CLVS2: variants seen among roughly 807,000 people sequenced by gnomAD.
The protein encoded by CLVS2 is clavesin 2.
In CLVS2, 19 loss-of-function variants were observed where a neutral mutation model predicts 29.0. The ratio of observed to expected loss-of-function variants is 0.66; its 90% CI spans 0.46 to 0.96. The LOEUF (loss-of-function observed/expected upper bound fraction) is 0.96. Ranked by LOEUF, CLVS2 falls within the 40% of genes least tolerant of loss-of-function variation. The probability of loss-of-function intolerance (pLI) is 0.00; values close to 1 mark genes in which losing one functional copy is unlikely to be tolerated. For synonymous variants in CLVS2, 161 were observed against 151.3 expected, an observed-to-expected ratio of 1.06 and a Z score of -0.47; for missense variants, 294 against 404.1, an observed-to-expected ratio of 0.73 and a Z score of 2.34.
rs1772814765 is a variant in CLVS2 at position 123,063,854 on chromosome 6, C to A, written c.*93C>A. On this transcript the variant is annotated 3_prime_UTR_variant, in exon 6 of 6. Transcript: ENST00000275162. ...CTGTAGAGGAATTACCAGCTGGAAA[C>A]CGACTTATTCATGTTAATGTAGCAT... is the stretch of plus-strand genomic sequence containing the variant. The A allele has an allele frequency of 2.5e-6, 2 of 810,450 alleles. No individual in the cohort carries two copies. Among genetic ancestry groups the A allele is most frequent in the Non-Finnish European group, 4.1e-6 (2 of 491,580 alleles). 50.2% of individuals were successfully genotyped at this position (810,450 alleles called of 1,614,324 possible).
chr6:123,003,651 A>G (rs1436366169), intron 2 of CLVS2, among the ~76,000 whole-genome samples: 2 of 152,204 alleles, frequency 1.3e-5, no homozygotes, highest in Admixed American at 1.3e-4. Flanking sequence ...ATAAAGACAC[A>G]TACTTTGTAC....
intron 3 of CLVS2, among the ~76,000 whole-genome samples, chr6:123,033,507 C>G (rs1364881087): frequency 6.6e-6 from 1 of 151,970 alleles, no homozygotes; most frequent in Non-Finnish European, 1.5e-5. Context: ...TGGAAAAGCA[C>G]AGGCAAATGA....
chr6:123,067,664 AG>A lies in CLVS2; in HGVS notation c.*3905del, dbSNP rs1175943170. 1 of 151,786 alleles carries A rather than the reference AG, an allele frequency of 6.6e-6. No homozygotes were observed. Among genetic ancestry groups the A allele is most frequent in the Non-Finnish European group, 1.5e-5 (1 of 67,750 alleles). 9.4% of individuals were successfully genotyped at this position (151,786 alleles called of 1,614,324 possible). ...ACATTTTTTACAACAATAAGCTCATAGGCATATATTCCATTGTAGATCTGCT... is the reference window on the plus strand; with the variant it reads ...ACATTTTTTACAACAATAAGCTCATAGCATATATTCCATTGTAGATCTGCT... On this transcript the variant is annotated 3_prime_UTR_variant, in exon 6 of 6. Transcript: ENST00000275162.
chr6:123,051,250 T>G (rs1772606967), intron 4 of CLVS2, among the ~76,000 whole-genome samples: 1 of 152,094 alleles, frequency 6.6e-6, no homozygotes, highest in Non-Finnish European at 1.5e-5. Context: ...ACCTGCTTCA[T>G]TTTCTTAAAT....
intron 2 of CLVS2, among the ~76,000 whole-genome samples, chr6:122,998,608 C>G (rs1316193437): frequency 6.6e-6 from 1 of 152,158 alleles, no homozygotes; most frequent in East Asian, 1.9e-4. Flanking sequence ...CTCTTTGGTA[C>G]TGACGTTTTA....
Position 123,065,255 on chromosome 6 carries a change from A to T in CLVS2, c.*1494A>T, listed in dbSNP as rs972234394. ...AAAAATGATTTTTATCACCCATAAT[A>T]AATTTTGAGATTGAGAGTTTACCAT... On this transcript the variant is annotated 3_prime_UTR_variant, in exon 6 of 6. Transcript: ENST00000275162. The T allele has an allele frequency of 1.3e-4, 19 of 151,836 alleles. No individual in the cohort carries two copies. Among genetic ancestry groups the T allele is most frequent in the African/African-American group, 4.6e-4 (19 of 41,410 alleles). The allele number at this position is 151,836 out of a possible 1,614,324, so 9.4% of individuals were successfully genotyped here. A position where few individuals can be genotyped will look rare whatever the true frequency, so the allele number is the denominator to read the frequency against.
At chr6:123,049,957 A>G (rs182697829) in intron 4 of CLVS2, among the ~76,000 whole-genome samples, 2 of 152,306 alleles carry the variant, frequency 1.3e-5, no homozygotes, top group Admixed American at 1.3e-4. Context: ...TTTTTAAAAA[A>G]GTGCAATAAT....
intron 3 of CLVS2, among the ~76,000 whole-genome samples, chr6:123,029,093 A>G (rs919619244): frequency 6.6e-6 from 1 of 152,182 alleles, no homozygotes; most frequent in African/African-American, 2.4e-5. Flanking sequence ...GAACCTGGCC[A>G]TGCCTGCACC....
intron 3 of CLVS2, among the ~76,000 whole-genome samples, chr6:123,015,618 A>T (rs1171035994): frequency 1.3e-5 from 2 of 151,930 alleles, no homozygotes; most frequent in Admixed American, 6.6e-5. Flanking sequence ...TCCCACCAAT[A>T]CTCAAATTCT....
chr6:123,060,753 G>T (rs934254309), intron 5 of CLVS2, among the ~76,000 whole-genome samples: 4 of 152,160 alleles, frequency 2.6e-5, no homozygotes, highest in Non-Finnish European at 4.4e-5. Context: ...TTATGATGTG[G>T]GTATTATTTT....
At chr6:123,055,661 C>T in intron 4 of CLVS2, 145 bp from the exon 5 acceptor site, 1 of 633,394 alleles carries the variant, frequency 1.6e-6, no homozygotes. Flanking sequence ...GCCTGTTTTA[C>T]AGAGTAGATG....
intron 2 of CLVS2, among the ~76,000 whole-genome samples, chr6:123,007,174 T>G (rs1774681246): frequency 6.6e-6 from 1 of 152,218 alleles, no homozygotes; most frequent in African/African-American, 2.4e-5. Flanking sequence ...AATATGTGAT[T>G]GTTGAAAAAG....
chr6:123,004,312 TG>T (rs1774631981), intron 2 of CLVS2, among the ~76,000 whole-genome samples: 1 of 152,196 alleles, frequency 6.6e-6, no homozygotes, highest in Admixed American at 6.5e-5. Context: ...AAAGACATTT[TG>T]CCCGCAGATG....
intron 3 of CLVS2, among the ~76,000 whole-genome samples, chr6:123,023,586 G>A (rs1291163841): frequency 6.6e-6 from 1 of 151,966 alleles, no homozygotes; most frequent in Non-Finnish European, 1.5e-5. Context: ...TTTATCATGA[G>A]GCCACATAAG....
intron 3 of CLVS2, among the ~76,000 whole-genome samples, chr6:123,045,312 A>G (rs1404196867): frequency 2.0e-5 from 3 of 152,110 alleles, no homozygotes; most frequent in Non-Finnish European, 4.4e-5. Context: ...CCACATTGGA[A>G]GACCTAGGGC....
At chr6:123,011,559 G>A (rs1172106800) in intron 3 of CLVS2, among the ~76,000 whole-genome samples, 1 of 151,900 alleles carries the variant, frequency 6.6e-6, no homozygotes, top group African/African-American at 2.4e-5. Context: ...TCAGCAATAT[G>A]TTCAACTGTT....
In CLVS2 at chr6:122,997,776, C is replaced by G; in HGVS notation, c.-2C>G. On this transcript the variant is annotated 5_prime_UTR_variant, in exon 2 of 6. Coordinates refer to ENST00000275162, the MANE Select transcript of CLVS2 (RefSeq NM_001010852.4). ...AGGGAAAGCTCAGAGATAGGCAGAA[C>G]AATGACTCATTTGCAAGCCGGTCTC... is the stretch of plus-strand genomic sequence containing the variant. The G allele has an allele frequency of 1.2e-6, 2 of 1,613,034 alleles. No individual in the cohort carries two copies. The highest frequency in any genetic ancestry group is 1.7e-6 in the Non-Finnish European group (2 of 1,179,696).
intron 3 of CLVS2, among the ~76,000 whole-genome samples, chr6:123,014,768 C>A (rs1774802025): frequency 1.3e-5 from 2 of 152,054 alleles, no homozygotes; most frequent in African/African-American, 4.8e-5. Flanking sequence ...CTTTGGGAAT[C>A]TGAATAATAC....
intron 3 of CLVS2, among the ~76,000 whole-genome samples, chr6:123,027,153 G>C (rs1461107877): frequency 6.6e-6 from 1 of 152,062 alleles, no homozygotes; most frequent in South Asian, 2.1e-4. Flanking sequence ...GTTAGATAAG[G>C]GTCAAAATGT....
Sources: gnomAD v4.1 joint callset for allele counts (sites outside exome capture counted in the v4.1 genomes callset) on GRCh38, gnomAD v4.1.1 for gene constraint, MANE v1.5 for transcripts, NCBI Gene and HGNC (gene_info 2026-07-23, HGNC 2026-07-21) for gene names.